The following CCDC91 variants were observed in gnomAD, a reference collection of about 807,000 sequenced individuals.
The protein encoded by CCDC91 is coiled-coil domain-containing protein 91.
CCDC91 carries 48 observed loss-of-function variants against 63.2 expected under a neutral mutation model. The observed-to-expected ratio is 0.76, with a 90% CI of 0.60 to 0.97. The LOEUF is 0.97. Ranked by LOEUF, CCDC91 falls within the 50% of genes least tolerant of loss-of-function variation. The probability of loss-of-function intolerance (pLI) is 0.00; values close to 1 mark genes in which losing one functional copy is unlikely to be tolerated. For synonymous variants in CCDC91, 167 were observed against 165.8 expected, an observed-to-expected ratio of 1.01 and a Z score of -0.06; for missense variants, 500 against 494.6, an observed-to-expected ratio of 1.01 and a Z score of -0.10.
intron 12 of CCDC91, among the ~76,000 whole-genome samples, chr12:28,505,793 G>A (rs982506550): frequency 1.3e-5 from 2 of 151,912 alleles, no homozygotes; most frequent in African/African-American, 4.8e-5. Flanking sequence ...GTGGACTCAG[G>A]CAATCAAACA....
At chr12:28,427,577 A>C (rs1279547087) in intron 8 of CCDC91, among the ~76,000 whole-genome samples, 1 of 152,128 alleles carries the variant, frequency 6.6e-6, no homozygotes, top group African/African-American at 2.4e-5. Flanking sequence ...CAATTCCTCA[A>C]AATTGTCATT....
chr12:28,267,808 A>C (rs181137020), intron 3 of CCDC91, among the ~76,000 whole-genome samples: 730 of 7,098 alleles, frequency 0.1, 27 homozygotes, highest in Non-Finnish European at 0.21. Context: ...TTATATAGTA[A>C]TATATAATTA....
At chr12:28,515,157 A>G (rs1382164724) in intron 12 of CCDC91, among the ~76,000 whole-genome samples, 1 of 151,820 alleles carries the variant, frequency 6.6e-6, no homozygotes, top group Non-Finnish European at 1.5e-5. Context: ...CTGTACCACC[A>G]GTACTCCAGA....
At chr12:28,259,982 ATCTGTT>A (rs1420695371) in intron 3 of CCDC91, among the ~76,000 whole-genome samples, 2 of 151,978 alleles carry the variant, frequency 1.3e-5, no homozygotes, top group Admixed American at 1.3e-4. Context: ...TTTCTGTTAA[ATCTGTT>A]AAAGTTGGGA....
At chr12:28,231,167 A>T (rs1944571189) in intron 1 of CCDC91, among the ~76,000 whole-genome samples, 1 of 152,054 alleles carries the variant, frequency 6.6e-6, no homozygotes, top group Non-Finnish European at 1.5e-5. Flanking sequence ...GGGTTTGTAC[A>T]TGTGGGTTGT....
At chr12:28,283,219 A>AT (rs55784913) in intron 3 of CCDC91, among the ~76,000 whole-genome samples, 28,123 of 138,470 alleles carry the variant, frequency 0.2, 3,550 homozygotes, top group Non-Finnish European at 0.3. Flanking sequence ...GAATTTTAGG[A>AT]TTTTTTTTTT....
At chr12:28,533,819 T>C (rs575742404) in intron 12 of CCDC91, among the ~76,000 whole-genome samples, 2 of 152,012 alleles carry the variant, frequency 1.3e-5, no homozygotes, top group Admixed American at 1.3e-4. Flanking sequence ...TCAAGCATTA[T>C]TTGAAAAGTG....
At chr12:28,418,791 C>G (rs1947832875) in intron 8 of CCDC91, among the ~76,000 whole-genome samples, 2 of 152,086 alleles carry the variant, frequency 1.3e-5, no homozygotes, top group South Asian at 4.1e-4. Context: ...TTATTATATG[C>G]AGCCACATTT....
chr12:28,208,566 G>A (rs7956418), intron 1 of CCDC91, among the ~76,000 whole-genome samples: 39,691 of 151,970 alleles, frequency 0.26, 5,450 homozygotes, highest in Non-Finnish European at 0.31. Context: ...TTTTAAAGGT[G>A]AAATTTGATT....
At chr12:28,471,913 G>A (rs1950838876) in intron 11 of CCDC91, among the ~76,000 whole-genome samples, 1 of 152,028 alleles carries the variant, frequency 6.6e-6, no homozygotes, top group African/African-American at 2.4e-5. Flanking sequence ...ATCATGCCCG[G>A]CTAATTTTTG....
In CCDC91 at chr12:28,379,948, G is replaced by A. The variant is rs562992088; in HGVS notation, c.655-11356G>A. Among the ~76,000 whole-genome samples the A allele has an allele frequency of 9.2e-5, 14 of 152,242 alleles. No individual in the cohort carries two copies. In the South Asian group the frequency reaches 2.5e-3, roughly 27 times the overall value. ...TAGTAACTTAACCCAGTGATAGACT[G>A]GATTAAGAAAATGTGGCACATATAC... On this transcript the variant is annotated intron_variant, in intron 7 of 12. Transcript: ENST00000536442.
At chr12:28,477,936 A>G (rs1041491431) in intron 11 of CCDC91, among the ~76,000 whole-genome samples, 1 of 152,216 alleles carries the variant, frequency 6.6e-6, no homozygotes, top group Non-Finnish European at 1.5e-5. Context: ...AAGGAGAACT[A>G]CAAACCACTG....
At chr12:28,372,586 T>TTTTTTTTTTGTGGGTATTTAAAA (rs1491181596) in intron 7 of CCDC91, among the ~76,000 whole-genome samples, 17 of 122,160 alleles carry the variant, frequency 1.4e-4, no homozygotes, top group African/African-American at 4.4e-4. Flanking sequence ...GGTATTTAAA[T>TTTTTTTTTTGTGGGTATTTAAAA]TTTTTTTTTG....
intron 11 of CCDC91, among the ~76,000 whole-genome samples, chr12:28,467,305 G>T (rs1950594925): frequency 6.6e-6 from 1 of 152,002 alleles, no homozygotes; most frequent in South Asian, 2.1e-4. Context: ...CCAAAAATGA[G>T]CAGGAGTAGC....
chr12:28,260,819 G>T (rs1269326034), intron 3 of CCDC91, among the ~76,000 whole-genome samples: 1 of 151,952 alleles, frequency 6.6e-6, no homozygotes, highest in Non-Finnish European at 1.5e-5. Flanking sequence ...CATGGCATTG[G>T]AAATGGATAG....
chr12:28,454,510 C>G (rs565663071), intron 11 of CCDC91, among the ~76,000 whole-genome samples: 49 of 152,178 alleles, frequency 3.2e-4, no homozygotes, highest in Non-Finnish European at 5.3e-4. Context: ...CTCTTTCCCT[C>G]CCTAGGGAGA....
chr12:28,431,034 A>G (rs897725601), intron 8 of CCDC91, among the ~76,000 whole-genome samples: 1 of 152,180 alleles, frequency 6.6e-6, no homozygotes, highest in African/African-American at 2.4e-5. Context: ...AAACTTTGCA[A>G]GTATGACATT....
intron 1 of CCDC91, among the ~76,000 whole-genome samples, chr12:28,248,527 T>A (rs1396189085): frequency 1.3e-5 from 2 of 152,156 alleles, no homozygotes; most frequent in Non-Finnish European, 2.9e-5. Flanking sequence ...CTAAAGCAGT[T>A]AGAAAACTAG....
At chr12:28,444,849 AT>A (rs10709087) in intron 8 of CCDC91, among the ~76,000 whole-genome samples, 81,637 of 150,888 alleles carry the variant, frequency 0.54, 23,605 homozygotes, top group African/African-American at 0.77. Flanking sequence ...TTTCTTAAAG[AT>A]TTTTTTTTTT....
Sources: gnomAD v4.1 joint callset for allele counts (sites outside exome capture counted in the v4.1 genomes callset) on GRCh38, gnomAD v4.1.1 for gene constraint, MANE v1.5 for transcripts, NCBI Gene and HGNC (gene_info 2026-07-23, HGNC 2026-07-21) for gene names.